TRHDE: variants seen among roughly 807,000 people sequenced by gnomAD.
TRHDE encodes thyrotropin releasing hormone degrading enzyme, also known as thyrotropin-releasing hormone-degrading ectoenzyme.
In TRHDE, 72 loss-of-function variants were observed where a neutral mutation model predicts 125.7. That is an observed-to-expected ratio of 0.57 (90% CI 0.47 to 0.70). The LOEUF is 0.70. Among genes scored for constraint, TRHDE ranks in the 30% least tolerant of loss-of-function variants. The pLI is 0.00. For missense variants in TRHDE, 1,110 were observed against 1,327.1 expected (o/e 0.84, Z 2.54); for synonymous variants, 509 against 509.1 (o/e 1.00, Z 0.00).
intron 6 of TRHDE, among the ~76,000 whole-genome samples, chr12:72,529,910 C>T (rs1416087307): frequency 1.3e-5 from 2 of 152,118 alleles, no homozygotes; most frequent in South Asian, 2.1e-4. Context: ...CGCCTCCAAC[C>T]CTGTGCATCT....
chr12:72,451,764 A>G (rs532836242), intron 3 of TRHDE, among the ~76,000 whole-genome samples: 10 of 152,284 alleles, frequency 6.6e-5, no homozygotes, highest in African/African-American at 2.2e-4. Flanking sequence ...TTCTTTCAAT[A>G]CATGAATACT....
intron 2 of TRHDE, among the ~76,000 whole-genome samples, chr12:72,142,783 G>T (rs1876145912): frequency 6.6e-6 from 1 of 151,994 alleles, no homozygotes; most frequent in African/African-American, 2.4e-5. Context: ...ACATCTGGAC[G>T]CCAAGAGGAG....
At chr12:72,443,071 C>G (rs1261615077) in intron 3 of TRHDE, among the ~76,000 whole-genome samples, 2 of 151,772 alleles carry the variant, frequency 1.3e-5, no homozygotes, top group Non-Finnish European at 2.9e-5. Flanking sequence ...CATGTAAAGT[C>G]CTCCACGATT....
chr12:72,511,071 A>G (rs1269303711), intron 6 of TRHDE, among the ~76,000 whole-genome samples: 2 of 152,208 alleles, frequency 1.3e-5, no homozygotes, highest in African/African-American at 4.8e-5. Flanking sequence ...GAACTTCTTG[A>G]CATAAAAGGC....
intron 7 of TRHDE, among the ~76,000 whole-genome samples, chr12:72,553,532 C>G (rs1869773788): frequency 6.6e-6 from 1 of 151,932 alleles, no homozygotes; most frequent in Non-Finnish European, 1.5e-5. Flanking sequence ...ATTAGTGTGC[C>G]CATTCCATGA....
chr12:72,112,808 C>T (rs1875351241), intron 2 of TRHDE, among the ~76,000 whole-genome samples: 1 of 152,160 alleles, frequency 6.6e-6, no homozygotes, highest in African/African-American at 2.4e-5. Flanking sequence ...AACTGCCTGA[C>T]TTAGAGGCTT....
chr12:72,103,477 C>T (rs550356325), intron 1 of TRHDE, among the ~76,000 whole-genome samples: 13 of 152,122 alleles, frequency 8.5e-5, no homozygotes, highest in African/African-American at 2.4e-4. Context: ...ATAAAAGATA[C>T]GACTTACAGC....
chr12:72,373,996 A>G (rs891228082), intron 2 of TRHDE, among the ~76,000 whole-genome samples: 1 of 152,160 alleles, frequency 6.6e-6, no homozygotes, highest in Non-Finnish European at 1.5e-5. Context: ...TGATTACTGT[A>G]TACATAACAG....
chr12:72,425,256 G>C (rs1042506512), intron 3 of TRHDE, among the ~76,000 whole-genome samples: 2 of 152,092 alleles, frequency 1.3e-5, no homozygotes, highest in Non-Finnish European at 2.9e-5. Context: ...TAGCGGATTG[G>C]TTTTATTTTT....
At chr12:72,514,815 G>A (rs1482791707) in intron 6 of TRHDE, among the ~76,000 whole-genome samples, 2 of 115,318 alleles carry the variant, frequency 1.7e-5, no homozygotes, top group African/African-American at 6.9e-5. Flanking sequence ...AGTCCCCAGA[G>A]TGTGATGTTC....
chr12:72,245,788 T>G (rs1173979603), intron 2 of TRHDE, among the ~76,000 whole-genome samples: 1 of 152,096 alleles, frequency 6.6e-6, no homozygotes, highest in East Asian at 1.9e-4. Context: ...TATATACATA[T>G]TCAATATATT....
chr12:72,487,902 G>T (rs1184829280), intron 5 of TRHDE, among the ~76,000 whole-genome samples: 7 of 152,076 alleles, frequency 4.6e-5, no homozygotes, highest in Admixed American at 3.9e-4. Flanking sequence ...GATGGTAAAA[G>T]TTCAGAGTTT....
At chr12:72,187,477 C>CATG (rs1877247441) in intron 2 of TRHDE, among the ~76,000 whole-genome samples, 1 of 104,570 alleles carries the variant, frequency 9.6e-6, no homozygotes, top group African/African-American at 3.9e-5. Context: ...TGGTTGTGGT[C>CATG]GTGGTGGTGG....
rs552193673 is a variant in TRHDE at position 72,256,924 on chromosome 12, C to T, written n.280-121071C>T. On this transcript the variant is annotated intron_variant and non_coding_transcript_variant, in intron 2 of 4. Coordinates refer to the TRHDE transcript ENST00000548156. ...AGCACTCATACCAGCTATGCCTGAACATGGCACCATGTGAAATGACCAATA... is the reference window on the plus strand; with the variant it reads ...AGCACTCATACCAGCTATGCCTGAATATGGCACCATGTGAAATGACCAATA... 4.6e-5 allele frequency: 7 copies of T among 152,332 alleles called. No individual in the cohort carries two copies. The East Asian group carries it at 1.3e-3, about 29-fold the overall frequency. 9.4% of individuals were successfully genotyped at this position (152,332 alleles called of 1,614,324 possible).
At chr12:72,296,068 G>C (rs1880288489) in intron 2 of TRHDE, among the ~76,000 whole-genome samples, 1 of 152,080 alleles carries the variant, frequency 6.6e-6, no homozygotes, top group African/African-American at 2.4e-5. Context: ...AGCTCCTTTA[G>C]ACTGTGAACT....
At chr12:72,227,375 AC>A (rs1340899590) in intron 2 of TRHDE, among the ~76,000 whole-genome samples, 1 of 151,600 alleles carries the variant, frequency 6.6e-6, no homozygotes, top group African/African-American at 2.4e-5. Flanking sequence ...GTGCAGGGAA[AC>A]CCCCCATTTA....
chr12:72,264,930 C>T (rs1199063655), intron 2 of TRHDE, among the ~76,000 whole-genome samples: 7 of 148,600 alleles, frequency 4.7e-5, no homozygotes, highest in African/African-American at 1.7e-4. Context: ...AGAGACTGTT[C>T]TAGAGCCAAA....
chr12:72,522,611 A>G (rs1868268250), intron 6 of TRHDE, among the ~76,000 whole-genome samples: 1 of 152,208 alleles, frequency 6.6e-6, no homozygotes, highest in Non-Finnish European at 1.5e-5. Context: ...CTATGAAGCA[A>G]TATCATACTT....
At chr12:72,106,844 G>C (rs951502237) in intron 2 of TRHDE, among the ~76,000 whole-genome samples, 1 of 152,076 alleles carries the variant, frequency 6.6e-6, no homozygotes, top group Non-Finnish European at 1.5e-5. Flanking sequence ...CTGTGTGGTA[G>C]AGAGAAAACT....
Sources: gnomAD v4.1 joint callset for allele counts (sites outside exome capture counted in the v4.1 genomes callset) on GRCh38, gnomAD v4.1.1 for gene constraint, MANE v1.5 for transcripts, NCBI Gene and HGNC (gene_info 2026-07-23, HGNC 2026-07-21) for gene names.